The following SUSD1 variants were observed in gnomAD, a reference collection of about 807,000 sequenced individuals.
The protein encoded by SUSD1 is sushi domain-containing protein 1.
A neutral mutation model predicts 86.9 loss-of-function variants in SUSD1; 65 were observed. That is an observed-to-expected ratio of 0.75 (90% CI 0.61 to 0.92). The LOEUF (loss-of-function observed/expected upper bound fraction) is 0.92. SUSD1 is among the 40% of genes least tolerant of loss of function. SUSD1 has a pLI of 0.00. For missense variants in SUSD1, 850 were observed against 929.7 expected (o/e 0.91, Z 1.11); for synonymous variants, 346 against 350.0 (o/e 0.99, Z 0.13).
intron 14 of SUSD1, 128 bp from the exon 15 acceptor site, chr9:112,052,566 G>T: frequency 9.8e-7 from 1 of 1,018,352 alleles, no homozygotes; most frequent in Non-Finnish European, 1.5e-6. Context: ...GACCTTTAAA[G>T]TCCAATCTAG....
chr9:112,098,117 C>T lies in SUSD1; in HGVS notation c.1474+353G>A, dbSNP rs190945079. Among the ~76,000 whole-genome samples, 587 of 152,224 alleles carry T rather than the reference C, an allele frequency of 3.9e-3. 5 individuals are homozygous for T. Among genetic ancestry groups the T allele is most frequent in the South Asian group, 0.01 (49 of 4,826 alleles). On this transcript the variant is annotated intron_variant, in intron 10 of 16. Transcript: ENST00000374270. Reference sequence around the variant, plus strand: ...ACACTGTGGGACCCACGTTTCTGGTCTCCTGGAAGTTCGTTCTACTTGCCG... The same window carrying T: ...ACACTGTGGGACCCACGTTTCTGGTTTCCTGGAAGTTCGTTCTACTTGCCG...
chr9:112,058,468 T>A lies in SUSD1; in HGVS notation c.2069A>T (p.Asp690Val). 1 of 1,614,172 alleles carries A rather than the reference T, an allele frequency of 6.2e-7. No individual in the cohort carries two copies. The highest frequency in any genetic ancestry group is 1.1e-5 in the South Asian group (1 of 91,082). ...YYNAPLKRGS[D>V]YCIILRITSE... ...TGTGATTCGTAATATAATGCAGTAA[T>A]CACTCCCTCTTTTCAAGGGTGCATT... Residue 690 changes from aspartate to valine, a missense_variant, in exon 14 of 17, where the codon GAT (aspartate) becomes GTT (valine). Asp to Val is a radical substitution (Grantham distance 152). Transcript: ENST00000374270.
rs1834211611 is a variant in SUSD1, at chr9:112,175,006, C to A, written c.103+127G>T. The A allele has an allele frequency of 2.0e-5, 14 of 709,876 alleles. No individual in the cohort carries two copies. The highest frequency in any genetic ancestry group is 2.4e-5 in the Non-Finnish European group (14 of 577,308). 44.0% of individuals were successfully genotyped at this position (709,876 alleles called of 1,614,324 possible). ...CTCCAACGGCCGGCGCGGGCCCCAC[C>A]TGCGCCCCACGCCTCGGCACCGCGC... On this transcript the variant is annotated intron_variant, in intron 1 of 16. Coordinates refer to ENST00000374270, the MANE Select transcript of SUSD1 (RefSeq NM_022486.5). This position sits in a 1 kb window ranked among gnomAD's most constrained non-coding sequence, Gnocchi z 4.7.
intron 9 of SUSD1, among the ~76,000 whole-genome samples, chr9:112,101,107 A>G (rs890374328): frequency 1.3e-5 from 2 of 152,062 alleles, no homozygotes; most frequent in African/African-American, 4.8e-5. Context: ...CACACCTGTA[A>G]TCCCAGCACC....
At chr9:112,166,265 G>C (rs1468770233) in intron 1 of SUSD1, among the ~76,000 whole-genome samples, 4 of 152,208 alleles carry the variant, frequency 2.6e-5, no homozygotes, top group Non-Finnish European at 4.4e-5. Flanking sequence ...CTGAGGCTCA[G>C]TTAAGAATCA....
intron 12 of SUSD1, among the ~76,000 whole-genome samples, chr9:112,077,825 T>C (rs1829586580): frequency 1.3e-5 from 2 of 152,080 alleles, no homozygotes; most frequent in Non-Finnish European, 2.9e-5. Flanking sequence ...TTAAAGTACT[T>C]GCAACAGGAT....
intron 5 of SUSD1, among the ~76,000 whole-genome samples, chr9:112,128,839 A>G (rs1204839043): frequency 6.6e-6 from 1 of 152,214 alleles, no homozygotes; most frequent in Non-Finnish European, 1.5e-5. Flanking sequence ...GGGAAAAGCA[A>G]CCTGCATGGC....
intron 3 of SUSD1, among the ~76,000 whole-genome samples, chr9:112,147,851 T>TTAG (rs1832872635): frequency 6.6e-6 from 1 of 151,940 alleles, no homozygotes; most frequent in African/African-American, 2.4e-5. Context: ...ATGCTTTTTT[T>TTAG]TTAGTGTCTT....
Position 112,113,550 on chromosome 9 carries a change from T to G in SUSD1, c.887-682A>C, listed in dbSNP as rs936467362. 6.6e-6 allele frequency among the ~76,000 whole-genome samples: 1 copy of G among 152,162 alleles called. No individual in the cohort carries two copies. Among genetic ancestry groups the G allele is most frequent in the Non-Finnish European group, 1.5e-5 (1 of 68,028 alleles). ...ATATGAAGGCCTTGGTTCCCTGAGG[T>G]AACATAGTTTTCAGCATTCCCAGTC... is the stretch of plus-strand genomic sequence containing the variant. On this transcript the variant is annotated intron_variant, in intron 6 of 16. Coordinates refer to ENST00000374270, the MANE Select transcript of SUSD1 (RefSeq NM_022486.5). This position sits in a 1 kb window ranked among gnomAD's most constrained non-coding sequence, Gnocchi z 4.1.
intron 6 of SUSD1, among the ~76,000 whole-genome samples, chr9:112,114,365 C>T (rs1478796949): frequency 2.0e-5 from 3 of 152,060 alleles, no homozygotes; most frequent in Admixed American, 6.6e-5. Flanking sequence ...TGCCTGTAGT[C>T]CCAGCTACTT....
rs376290821 is a variant in SUSD1 at position 112,072,174 on chromosome 9, G to A, written c.1753+6364C>T. Among the ~76,000 whole-genome samples the A allele has an allele frequency of 1.1e-4, 13 of 123,646 alleles. No homozygotes were observed. In the South Asian group the frequency reaches 3.3e-3, roughly 31 times the overall value. The allele number at this position is 123,646 out of a possible 152,430, so 81.1% of individuals were successfully genotyped here. On this transcript the variant is annotated intron_variant, in intron 12 of 16. Transcript: ENST00000374270. ...TTTTTTTTGTTTTTTTTTTTGAGAC[G>A]GAGTCTCACTCTGTTGTCTAGGCTG...
rs201195603 is a variant in SUSD1 at position 112,141,840 on chromosome 9, CG to C, written c.706+479del. ...TATAATATATGTTATTCCCACATGA[CG>C]TTTTTATATATATATGTATATATAT... On this transcript the variant is annotated intron_variant, in intron 5 of 16. Coordinates refer to ENST00000374270, the MANE Select transcript of SUSD1 (RefSeq NM_022486.5). Among the ~76,000 whole-genome samples, 45 of 141,488 alleles carry C rather than the reference CG, an allele frequency of 3.2e-4. No homozygotes were observed. The East Asian group carries it at 8.7e-3, about 27-fold the overall frequency. 92.8% of individuals were successfully genotyped at this position (141,488 alleles called of 152,430 possible).
intron 10 of SUSD1, among the ~76,000 whole-genome samples, chr9:112,095,458 AC>A (rs1339252703): frequency 6.6e-6 from 1 of 152,226 alleles, no homozygotes; most frequent in East Asian, 1.9e-4. Flanking sequence ...TCAAAGAAGC[AC>A]CGACCATTTA....
At chr9:112,094,379 T>A (rs111532688) in intron 10 of SUSD1, among the ~76,000 whole-genome samples, 8 of 152,154 alleles carry the variant, frequency 5.3e-5, no homozygotes, top group African/African-American at 1.9e-4. Context: ...ACAGGCTGAG[T>A]TCACCCCCAC....
chr9:112,061,515 A>G (rs1204032058), intron 13 of SUSD1, among the ~76,000 whole-genome samples: 3 of 152,196 alleles, frequency 2.0e-5, no homozygotes, highest in Non-Finnish European at 4.4e-5. Flanking sequence ...GTAAGCTGTC[A>G]TTTGGCTTTT....
intron 12 of SUSD1, among the ~76,000 whole-genome samples, chr9:112,064,596 G>C (rs1381076754): frequency 1.3e-5 from 2 of 152,136 alleles, no homozygotes; most frequent in African/African-American, 4.8e-5. Context: ...GGCCGGGTGC[G>C]GGGGTGCGGT....
intron 15 of SUSD1, among the ~76,000 whole-genome samples, chr9:112,049,073 C>T (rs1828077223): frequency 1.3e-5 from 2 of 152,042 alleles, no homozygotes; most frequent in African/African-American, 4.8e-5. Flanking sequence ...GCTGGAATGA[C>T]GAGGGAAATT....
Position 112,142,453 on chromosome 9 carries a change from T to C in SUSD1, c.573A>G (p.Ile191Met). 3 of 1,614,112 alleles carry C rather than the reference T, an allele frequency of 1.9e-6. No homozygotes were observed. Among genetic ancestry groups the C allele is most frequent in the Non-Finnish European group, 2.5e-6 (3 of 1,180,006 alleles). The stretch of plus-strand genomic sequence containing the variant: ...TGCCCAGACTAGACGTATAATTTCC[T>C]ATGATATAGCCATCTGGAACCTCAG... The part of the protein sequence containing the change: ...TPPEVPDGYI[I>M]GNYTSSLGSQ... Residue 191 changes from isoleucine (I) to methionine (M), a missense_variant, in exon 5 of 17, where the codon ATA (isoleucine) becomes ATG (methionine). By Grantham distance (10) the Ile-to-Met change is conservative. Coordinates refer to ENST00000374270, the MANE Select transcript of SUSD1 (RefSeq NM_022486.5).
intron 1 of SUSD1, among the ~76,000 whole-genome samples, chr9:112,171,986 A>G (rs1264470186): frequency 2.6e-5 from 4 of 152,128 alleles, no homozygotes; most frequent in Admixed American, 2.0e-4. Context: ...ACTTGAGGTC[A>G]GGAGTTCGAG....
Sources: gnomAD v4.1 joint callset for allele counts (sites outside exome capture counted in the v4.1 genomes callset) on GRCh38, gnomAD v4.1.1 for gene constraint, Gnocchi (gnomAD v3.1) non-coding constraint, MANE v1.5 for transcripts, NCBI Gene and HGNC (gene_info 2026-07-23, HGNC 2026-07-21) for gene names.